The following PAPLN variants were observed in gnomAD, a reference collection of about 807,000 sequenced individuals.
PAPLN encodes papilin, proteoglycan like sulfated glycoprotein.
PAPLN carries 146 observed loss-of-function variants against 159.0 expected under a neutral mutation model. The observed-to-expected ratio is 0.92, with a 90% confidence interval of 0.80 to 1.05. The LOEUF is 1.05. Among genes scored for constraint, PAPLN ranks in the 50% least tolerant of loss-of-function variants. The probability of loss-of-function intolerance (pLI) is 0.00; values close to 1 mark genes in which losing one functional copy is unlikely to be tolerated. For missense variants in PAPLN, 1,720 were observed against 1,743.9 expected (o/e 0.99, Z 0.24); for synonymous variants, 734 against 702.9 (o/e 1.04, Z -0.70).
upstream of PAPLN, among the ~76,000 whole-genome samples, chr14:73,236,384 G>A (rs1309236084): frequency 6.6e-6 from 1 of 152,154 alleles, no homozygotes; most frequent in African/African-American, 2.4e-5. Context: ...GCACCCCATC[G>A]GCCTGGGGTG....
chr14:73,269,199 G>A (rs1351984294), intron 26 of PAPLN, among the ~76,000 whole-genome samples: 2 of 152,144 alleles, frequency 1.3e-5, no homozygotes, highest in African/African-American at 4.8e-5. Context: ...TTTTACAAAT[G>A]AGACAGGTAT....
At chr14:73,257,468 A>G (rs1217628064) in intron 14 of PAPLN, among the ~76,000 whole-genome samples, 2 of 151,968 alleles carry the variant, frequency 1.3e-5, no homozygotes, top group Admixed American at 6.6e-5. Flanking sequence ...TTATTGTCCT[A>G]ATTTTATCTA....
At chr14:73,270,379 A>C (rs1158386891) in intron 26 of PAPLN, among the ~76,000 whole-genome samples, 1 of 152,158 alleles carries the variant, frequency 6.6e-6, no homozygotes, top group African/African-American at 2.4e-5. Flanking sequence ...TACAGGGACA[A>C]ATGTTCCCGC....
In PAPLN at chr14:73,254,692, T is replaced by G. The variant is rs1885690531; in HGVS notation, c.1482T>G (p.Gly494=). 1.9e-6 allele frequency: 3 copies of G among 1,613,082 alleles called. No homozygotes were observed. The highest frequency in any genetic ancestry group is 8.5e-7 in the Non-Finnish European group (1 of 1,179,536). ...AGGCCTGGCATGTTGGCACCTGGGGTCTAGTGAGTGCTCTCCACCCCCACA... is the reference window on the plus strand; with the variant it reads ...AGGCCTGGCATGTTGGCACCTGGGGGCTAGTGAGTGCTCTCCACCCCCACA... The part of the protein sequence containing the change: ...SDQAWHVGTW[G]LCSKSCSSGT... Residue 494 remains glycine (G), a synonymous_variant, in exon 13 of 27, where the codon GGT becomes GGG. Coordinates refer to ENST00000644200, the MANE Select transcript of PAPLN (RefSeq NM_001365906.3).
At chr14:73,248,711 A>G (rs1429533656) in intron 5 of PAPLN, among the ~76,000 whole-genome samples, 1 of 152,208 alleles carries the variant, frequency 6.6e-6, no homozygotes, top group Non-Finnish European at 1.5e-5. Context: ...AGTCCCAGCT[A>G]TTCGAGAAGC....
chr14:73,262,225 C>A, intron 18 of PAPLN, 125 bp from the exon 19 acceptor site: 1 of 977,364 alleles, frequency 1.0e-6, no homozygotes, highest in Non-Finnish European at 1.5e-6. Context: ...GGCCCCCAGA[C>A]AGGGGTGTAG....
chr14:73,250,250 C>A (rs1336058138), intron 6 of PAPLN, 136 bp downstream of exon 6: 1 of 1,222,580 alleles, frequency 8.2e-7, no homozygotes, highest in Non-Finnish European at 1.1e-6. Context: ...ACACCAAGCC[C>A]AGCTCCTAGG....
chr14:73,272,452 CAG>C, intron 26 of PAPLN, 41 bp from the exon 27 acceptor site: 1 of 1,454,190 alleles, frequency 6.9e-7, no homozygotes, highest in Non-Finnish European at 9.2e-7. Context: ...TCAGCATACA[CAG>C]AGCTTCCTCA....
intron 18 of PAPLN, 66 bp downstream of exon 18, chr14:73,261,360 C>T: frequency 6.4e-7 from 1 of 1,555,412 alleles, no homozygotes; most frequent in South Asian, 1.2e-5. Context: ...CCTCCAGCCC[C>T]CACCCAGGAC....
chr14:73,261,428 C>T (rs1374016708), intron 18 of PAPLN, 134 bp downstream of exon 18: 13 of 1,303,088 alleles, frequency 1.0e-5, no homozygotes, highest in African/African-American at 1.5e-5. Context: ...TGTTGATTGC[C>T]TGCTAGGTGC....
At chr14:73,255,160 C>A in intron 14 of PAPLN, 142 bp downstream of exon 14, 1 of 1,258,758 alleles carries the variant, frequency 7.9e-7, no homozygotes, top group Non-Finnish European at 1.1e-6. Context: ...TCTCCCCCCG[C>A]TGAACCCTTT....
At chr14:73,248,558 C>T (rs1028424885) in intron 5 of PAPLN, among the ~76,000 whole-genome samples, 5 of 152,142 alleles carry the variant, frequency 3.3e-5, no homozygotes, top group African/African-American at 1.2e-4. Flanking sequence ...AATCCCAGCA[C>T]TTTGGGAGGC....
rs1885691492 is a variant in PAPLN, at chr14:73,254,697, T to C, written c.1485+2T>C. 1 of 1,612,946 alleles carries C rather than the reference T, an allele frequency of 6.2e-7. No homozygotes were observed. Among genetic ancestry groups the C allele is most frequent in the African/African-American group, 1.3e-5 (1 of 75,012 alleles). On this transcript the variant is annotated splice_donor_variant, in intron 13 of 26. Coordinates refer to ENST00000644200, the MANE Select transcript of PAPLN (RefSeq NM_001365906.3). LOFTEE classifies it high-confidence loss of function. Reference sequence around the variant, plus strand: ...TGGCATGTTGGCACCTGGGGTCTAGTGAGTGCTCTCCACCCCCACACCTGC... The same window carrying C: ...TGGCATGTTGGCACCTGGGGTCTAGCGAGTGCTCTCCACCCCCACACCTGC...
Position 73,264,670 on chromosome 14 carries a change from GGGGGCTGCTGGGCCC to G in PAPLN, c.3070_3084del (p.Gly1024_Pro1028del). The G allele has an allele frequency of 6.2e-7, 1 of 1,610,452 alleles. No individual in the cohort carries two copies. Among genetic ancestry groups the G allele is most frequent in the Non-Finnish European group, 8.5e-7 (1 of 1,179,096 alleles). On this transcript the variant is annotated inframe_deletion, in exon 22 of 27. Coordinates refer to ENST00000644200, the MANE Select transcript of PAPLN (RefSeq NM_001365906.3). ...ACCCAGCTCAGGACTTTGGCCAAGC[GGGGGCTGCTGGGCCC>G]CTGGGGGCCATCCCCTCTTCACACC...
intron 5 of PAPLN, 132 bp downstream of exon 5, chr14:73,246,307 G>GAGTTCAAGACCAGC: frequency 2.4e-6 from 2 of 823,102 alleles, no homozygotes; most frequent in Non-Finnish European, 3.4e-6. Flanking sequence ...TGTTGCCCAG[G>GAGTTCAAGACCAGC]CTGGTCTTGA....
intron 14 of PAPLN, 123 bp from the exon 15 acceptor site, chr14:73,258,856 C>G (rs1206560842): frequency 2.3e-6 from 2 of 861,376 alleles, no homozygotes; most frequent in African/African-American, 3.5e-5. Context: ...TGGGCTGTCT[C>G]GGGTTCCCAG....
chr14:73,272,173 CAT>C (rs1349848503), intron 26 of PAPLN: 2 of 214,848 alleles, frequency 9.3e-6, no homozygotes, highest in Non-Finnish European at 1.8e-5. Flanking sequence ...AGGTCTCAAA[CAT>C]AAGGAGTTAA....
chr14:73,259,608 T>C, intron 16 of PAPLN, 63 bp downstream of exon 16: 2 of 1,426,526 alleles, frequency 1.4e-6, no homozygotes, highest in Non-Finnish European at 1.8e-6. Context: ...ACCCCGTGGG[T>C]GGGCCAACAT....
chr14:73,264,773 G>C lies in PAPLN; in HGVS notation c.3125+47G>C. 3.1e-6 allele frequency: 5 copies of C among 1,607,104 alleles called. 1 individual carries two copies. The South Asian group carries it at 4.4e-5, about 14-fold the overall frequency. The stretch of plus-strand genomic sequence containing the variant: ...CTTGCCCTCCCCCACGCCAGGGCCA[G>C]GGCCGGGGGTCTCAGTGGATAAGGA... On this transcript the variant is annotated intron_variant, in intron 22 of 26. Transcript: ENST00000644200.
Sources: gnomAD v4.1 joint callset for allele counts (sites outside exome capture counted in the v4.1 genomes callset) on GRCh38, gnomAD v4.1.1 for gene constraint, MANE v1.5 for transcripts, NCBI Gene and HGNC (gene_info 2026-07-23, HGNC 2026-07-21) for gene names.